The following ASPM variants were observed in gnomAD, a reference collection of about 807,000 sequenced individuals.
ASPM encodes the protein assembly factor for spindle microtubules.
A neutral mutation model predicts 366.4 loss-of-function variants in ASPM; 256 were observed. The ratio of observed to expected loss-of-function variants is 0.70; its 90% CI spans 0.63 to 0.77. ASPM has a LOEUF of 0.77. Among genes scored for constraint, ASPM ranks in the 30% least tolerant of loss-of-function variants. The probability of loss-of-function intolerance (pLI) is 0.00; values close to 1 mark genes in which losing one functional copy is unlikely to be tolerated. For missense variants in ASPM, 4,146 were observed against 4,090.4 expected (o/e 1.01, Z -0.37); for synonymous variants, 1,414 against 1,342.9 (o/e 1.05, Z -1.16).
chr1:197,145,473 G>T (rs1658735555), intron 1 of ASPM, among the ~76,000 whole-genome samples: 1 of 151,448 alleles, frequency 6.6e-6, no homozygotes, highest in Admixed American at 6.6e-5. Flanking sequence ...CTCTGAATAG[G>T]TTTTTTTGGT....
chr1:197,126,269 C>T (rs1658085949), intron 10 of ASPM, among the ~76,000 whole-genome samples: 1 of 151,766 alleles, frequency 6.6e-6, no homozygotes, highest in Admixed American at 6.6e-5. Context: ...GGTGAAACCC[C>T]GTCTCCACTG....
chr1:197,128,411 G>T, intron 10 of ASPM, 79 bp downstream of exon 10: 1 of 1,352,746 alleles, frequency 7.4e-7, no homozygotes, highest in Non-Finnish European at 1.1e-6. Context: ...GAGCAAGATT[G>T]AATAATTACA....
chr1:197,096,417 C>T (rs527927687), intron 18 of ASPM, among the ~76,000 whole-genome samples: 17 of 151,884 alleles, frequency 1.1e-4, no homozygotes, highest in East Asian at 7.8e-4. Flanking sequence ...CCTAACAAAA[C>T]CCTAACCAGT....
rs1424894524 is a variant in ASPM at position 197,104,440 on chromosome 1, T to G, written c.4811A>C (p.Lys1604Thr). The G allele has an allele frequency of 6.2e-7, 1 of 1,612,840 alleles. No homozygotes were observed. The highest frequency in any genetic ancestry group is 8.5e-7 in the Non-Finnish European group (1 of 1,179,394). The change falls in exon 18 of 28, where the codon AAG becomes ACG. Residue 1604 changes from lysine (K) to threonine (T), a missense_variant. Around this residue, in one of 3 missense-constraint regions of ASPM, gnomAD observed 3,624 missense variants for 3,591.7 expected, o/e 1.01. Transcript: ENST00000367409. ...RKHQQRQKYKKMKKAAVIIQT... is the reference protein window; with the variant it reads ...RKHQQRQKYKTMKKAAVIIQT... ...AATTATAACAGCTGCTTTCTTCATC[T>G]TCTTATATTTCTGTCGTTGTTGATG...
intron 17 of ASPM, among the ~76,000 whole-genome samples, chr1:197,105,512 T>C (rs918979746): frequency 6.6e-6 from 1 of 151,994 alleles, no homozygotes; most frequent in African/African-American, 2.4e-5. Context: ...CTTTGCTATC[T>C]ATTGATTCTA....
chr1:197,133,755 C>T (rs1465743869), intron 5 of ASPM, among the ~76,000 whole-genome samples, 160 bp from the exon 6 acceptor site: 1 of 152,192 alleles, frequency 6.6e-6, no homozygotes, highest in East Asian at 1.9e-4. Context: ...AACCTGTTAG[C>T]TCTACCTGCA....
rs1164912582 is a variant in ASPM at position 197,086,885 on chromosome 1, T to G, written c.10249A>C (p.Ile3417Leu). 14 of 1,611,604 alleles carry G rather than the reference T, an allele frequency of 8.7e-6. No homozygotes were observed. The highest frequency in any genetic ancestry group is 1.2e-5 in the Non-Finnish European group (14 of 1,178,542). Residue 3417 changes from isoleucine to leucine, a missense_variant, in exon 27 of 28, where the codon ATA (isoleucine) becomes CTA (leucine). Physicochemically the swap from Ile to Leu is conservative, Grantham distance 5. Coordinates refer to ENST00000367409, the MANE Select transcript of ASPM (RefSeq NM_018136.5). ...GAATTCTTCTTTTGCTTGTAAAGTA[T>G]TCTTTCAGTATTCATTTTATGTTTA... is the stretch of plus-strand genomic sequence containing the variant. ...AHKHKMNTER[I>L]LYKQKKNSSI...
chr1:197,133,222 T>C (rs1658316180), intron 6 of ASPM, 128 bp downstream of exon 6: 3 of 922,366 alleles, frequency 3.3e-6, no homozygotes, highest in South Asian at 3.6e-5. Context: ...ATCAACATCA[T>C]GTTGTATACC....
Position 197,101,559 on chromosome 1 carries a change from G to T in ASPM, c.7692C>A (p.Tyr2564Ter). 6.2e-7 allele frequency: 1 copy of T among 1,609,440 alleles called. No homozygotes were observed. ...AGAAACAATACTGCCTATACATTCT[G>T]TAGGTGCTTTGTATTACGATAGAAG... is the stretch of plus-strand genomic sequence containing the variant. ...HKASIVIQST[Y>*]RMYRQYCFYQ... Residue 2564 changes from tyrosine to a stop codon, truncating the protein, a stop_gained, in exon 18 of 28, where the codon TAC becomes TAA. Coordinates refer to ENST00000367409, the MANE Select transcript of ASPM (RefSeq NM_018136.5). LOFTEE classifies it high-confidence loss of function.
chr1:197,097,094 G>A (rs190268798), intron 18 of ASPM, among the ~76,000 whole-genome samples: 48 of 151,720 alleles, frequency 3.2e-4, no homozygotes, highest in Non-Finnish European at 5.9e-5. Flanking sequence ...GGAAGAGAAA[G>A]GGCTGGAGTC....
chr1:197,084,521 T>C, intron 27 of ASPM, 95 bp from the exon 28 acceptor site: 3 of 784,530 alleles, frequency 3.8e-6, no homozygotes, highest in South Asian at 1.5e-5. Flanking sequence ...TAGCTACTCC[T>C]GAACACATCA....
chr1:197,104,766 C>T lies in ASPM; in HGVS notation c.4485G>A (p.Gln1495=). ...IYIRSCVVII[Q]KRFRCFQAQK... is the part of the protein sequence containing the mutation. ...GGGCTTGAAAGCACCGAAATCTTTTCTGAATGATAACAACACAAGATCTAA... is the reference window on the plus strand; with the variant it reads ...GGGCTTGAAAGCACCGAAATCTTTTTTGAATGATAACAACACAAGATCTAA... The change falls in exon 18 of 28, where the codon CAG becomes CAA. Residue 1495 remains glutamine (Q), a synonymous_variant. Transcript: ENST00000367409. 1 of 1,598,828 alleles carries T rather than the reference C, an allele frequency of 6.3e-7. No individual in the cohort carries two copies. The highest frequency in any genetic ancestry group is 8.5e-7 in the Non-Finnish European group (1 of 1,174,104).
At chr1:197,135,834 C>A (rs186668283) in intron 4 of ASPM, among the ~76,000 whole-genome samples, 222 of 151,934 alleles carry the variant, frequency 1.5e-3, no homozygotes, top group Non-Finnish European at 2.8e-3. Context: ...ATGCCTGTAG[C>A]CCCAGCTACC....
chr1:197,102,788 G>C lies in ASPM; in HGVS notation c.6463C>G (p.Gln2155Glu). Residue 2155 changes from glutamine to glutamate, a missense_variant, in exon 18 of 28, where the codon CAA becomes GAA. Physicochemically the swap from Gln to Glu is conservative, Grantham distance 29. Transcript: ENST00000367409. ...VIQVRCRAYY[Q>E]GKMQREKYLT... is the part of the protein sequence containing the mutation. ...TACTTTTCACGCTGCATTTTACCTT[G>C]ATAATATGCTCTACATCTTACTTGA... The C allele has an allele frequency of 6.2e-7, 1 of 1,612,264 alleles. No homozygotes were observed. Among genetic ancestry groups the C allele is most frequent in the Non-Finnish European group, 8.5e-7 (1 of 1,179,156 alleles).
rs1259978598 is a variant in ASPM at position 197,141,272 on chromosome 1, A to G, written c.1921+1059T>C. Among the ~76,000 whole-genome samples, 3 of 152,196 alleles carry G rather than the reference A, an allele frequency of 2.0e-5. No homozygotes were observed. In the East Asian group the frequency reaches 5.8e-4, roughly 29 times the overall value. On this transcript the variant is annotated intron_variant, in intron 3 of 27. Transcript: ENST00000367409. ...GGTGTTTATGAATAAAATTTTACTG[A>G]AACACAGCCATACTCCTTGATTTGC...
chr1:197,115,299 C>A (rs1657708561), intron 17 of ASPM, among the ~76,000 whole-genome samples: 1 of 152,156 alleles, frequency 6.6e-6, no homozygotes, highest in Admixed American at 6.6e-5. Flanking sequence ...GGCACCACTT[C>A]TAATTCTAGT....
intron 16 of ASPM, among the ~76,000 whole-genome samples, chr1:197,120,243 G>A (rs910893420): frequency 2.0e-5 from 3 of 150,022 alleles, no homozygotes; most frequent in African/African-American, 5.0e-5. Flanking sequence ...GTTAATATCA[G>A]ACTAAGGCTG....
intron 4 of ASPM, among the ~76,000 whole-genome samples, chr1:197,135,623 C>CTTTTTTTTTT (rs778898963): frequency 1.3e-3 from 88 of 69,666 alleles, no homozygotes; most frequent in East Asian, 2.2e-3. Flanking sequence ...AAATATCTGT[C>CTTTTTTTTTT]TTTTTTTTTT....
At chr1:197,125,988 A>G (rs1425585996) in intron 10 of ASPM, among the ~76,000 whole-genome samples, 1 of 152,198 alleles carries the variant, frequency 6.6e-6, no homozygotes, top group East Asian at 1.9e-4. Context: ...TTCTCAAGTG[A>G]CTTCAAAGAT....
Sources: allele counts gnomAD v4.1 joint callset (sites outside exome capture counted in the v4.1 genomes callset), GRCh38; gene constraint gnomAD v4.1.1; regional missense constraint gnomAD v4.1.1; transcripts MANE v1.5; gene names NCBI Gene and HGNC (gene_info 2026-07-23, HGNC 2026-07-21).